RANBP17: variants seen among roughly 807,000 people sequenced by gnomAD.
The protein encoded by RANBP17 is ran-binding protein 17.
Under a neutral mutation model 141.2 loss-of-function variants are expected in RANBP17, and 158 were observed. The ratio of observed to expected loss-of-function variants is 1.12; its 90% CI spans 0.98 to 1.28. The LOEUF is 1.28. RANBP17 is among the 50% of genes most tolerant of loss of function. RANBP17 has a pLI of 0.00. For synonymous variants in RANBP17, 430 were observed against 450.0 expected (o/e 0.96, Z 0.56); for missense variants, 1,438 against 1,290.7 (o/e 1.11, Z -1.75).
chr5:171,122,273 G>A (rs1352897200), intron 14 of RANBP17, among the ~76,000 whole-genome samples: 2 of 152,094 alleles, frequency 1.3e-5, no homozygotes, highest in African/African-American at 2.4e-5. Context: ...TTTATTTGTT[G>A]CCTTGTTTTT....
chr5:171,101,575 T>C (rs894652243), intron 14 of RANBP17, among the ~76,000 whole-genome samples: 2 of 152,228 alleles, frequency 1.3e-5, no homozygotes, highest in Non-Finnish European at 2.9e-5. Context: ...ACTTTTAATT[T>C]GGGCATTTAA....
intron 12 of RANBP17, among the ~76,000 whole-genome samples, chr5:170,931,314 T>C (rs770186060): frequency 6.6e-6 from 1 of 152,162 alleles, no homozygotes; most frequent in South Asian, 2.1e-4. Context: ...GATATTAGCC[T>C]TTTGTCAGAT....
rs553318675 is a variant in RANBP17 at position 170,909,950 on chromosome 5, G to A, written c.594+185G>A. ...CAAAAAATTCACTTTTACTCACTGG[G>A]CATATGATAAGGTGAAATCCAAAGG... On this transcript the variant is annotated intron_variant, in intron 6 of 27. Coordinates refer to ENST00000523189, the MANE Select transcript of RANBP17 (RefSeq NM_022897.5). 2.1e-4 allele frequency: 93 copies of A among 436,268 alleles called. 1 individual carries two copies. The South Asian group carries it at 3.6e-3, about 17-fold the overall frequency. 27.0% of individuals were successfully genotyped at this position (436,268 alleles called of 1,614,324 possible). A position where few individuals can be genotyped will look rare whatever the true frequency, so the allele number is the denominator to read the frequency against.
intron 1 of RANBP17, among the ~76,000 whole-genome samples, chr5:170,866,599 C>T (rs978073179): frequency 6.6e-6 from 1 of 151,652 alleles, no homozygotes; most frequent in African/African-American, 2.4e-5. Flanking sequence ...GGCGTTAACC[C>T]GGGAGGCGGA....
intron 24 of RANBP17, 74 bp from the exon 25 acceptor site, chr5:171,265,607 A>G (rs1766618233): frequency 7.8e-7 from 1 of 1,286,706 alleles, no homozygotes; most frequent in African/African-American, 1.5e-5. Flanking sequence ...ATTATTTTTA[A>G]TGGAGCCGTT....
At chr5:171,262,041 C>T (rs764444500) in intron 24 of RANBP17, among the ~76,000 whole-genome samples, 1 of 152,180 alleles carries the variant, frequency 6.6e-6, no homozygotes, top group Non-Finnish European at 1.5e-5. Flanking sequence ...CTCCAATCTT[C>T]GTGGCTAAAG....
At chr5:171,088,848 C>G (rs1228097527) in intron 14 of RANBP17, among the ~76,000 whole-genome samples, 1 of 152,074 alleles carries the variant, frequency 6.6e-6, no homozygotes, top group East Asian at 1.9e-4. Flanking sequence ...ATTGGTTATT[C>G]TAGTTATACA....
At chr5:170,930,310 A>G (rs989219819) in intron 12 of RANBP17, among the ~76,000 whole-genome samples, 12 of 151,672 alleles carry the variant, frequency 7.9e-5, no homozygotes, top group African/African-American at 1.5e-4. Context: ...TTTTCTTTAA[A>G]CATTACTTTA....
At chr5:171,226,914 G>T (rs575592101) in intron 22 of RANBP17, among the ~76,000 whole-genome samples, 2 of 152,294 alleles carry the variant, frequency 1.3e-5, no homozygotes, top group Admixed American at 1.3e-4. Flanking sequence ...GAGCAACCCT[G>T]CATGGAGCAA....
intron 18 of RANBP17, among the ~76,000 whole-genome samples, chr5:171,191,139 A>G (rs557840715): frequency 1.3e-5 from 2 of 152,250 alleles, no homozygotes; most frequent in South Asian, 4.1e-4. Flanking sequence ...GGTAATTGGC[A>G]TCTGAAGATA....
intron 18 of RANBP17, among the ~76,000 whole-genome samples, chr5:171,190,494 A>G (rs897549268): frequency 6.6e-6 from 1 of 152,192 alleles, no homozygotes; most frequent in Non-Finnish European, 1.5e-5. Context: ...GTTCGAAGAA[A>G]TGATCAAAAT....
intron 14 of RANBP17, among the ~76,000 whole-genome samples, chr5:171,116,424 A>G (rs1358776893): frequency 1.3e-5 from 2 of 152,210 alleles, no homozygotes; most frequent in South Asian, 4.1e-4. Context: ...TATTCAAAGA[A>G]TGGGAATTAA....
intron 19 of RANBP17, among the ~76,000 whole-genome samples, chr5:171,203,212 T>G (rs1762396763): frequency 6.6e-6 from 1 of 152,204 alleles, no homozygotes; most frequent in Non-Finnish European, 1.5e-5. Flanking sequence ...TAAAACTCTT[T>G]GCACTATTTT....
At chr5:171,002,586 A>G (rs1180693341) in intron 14 of RANBP17, among the ~76,000 whole-genome samples, 2 of 152,314 alleles carry the variant, frequency 1.3e-5, no homozygotes, top group Non-Finnish European at 2.9e-5. Flanking sequence ...TAGAGTCAGT[A>G]TAAATATTGA....
At chr5:171,127,782 G>A (rs1756592198) in intron 14 of RANBP17, among the ~76,000 whole-genome samples, 1 of 152,146 alleles carries the variant, frequency 6.6e-6, no homozygotes, top group Non-Finnish European at 1.5e-5. Context: ...AACCATTGTA[G>A]AAAAATAGTA....
At chr5:170,992,027 C>G (rs1778542684) in intron 14 of RANBP17, among the ~76,000 whole-genome samples, 1 of 151,792 alleles carries the variant, frequency 6.6e-6, no homozygotes, top group African/African-American at 2.4e-5. Context: ...TTCCTAATAC[C>G]AGGCAGAACT....
chr5:170,904,256 A>G, intron 5 of RANBP17: 1 of 264,436 alleles, frequency 3.8e-6, no homozygotes, highest in Non-Finnish European at 7.8e-6. Flanking sequence ...GCCCACATTC[A>G]TGGAAATGAA....
intron 14 of RANBP17, among the ~76,000 whole-genome samples, chr5:171,055,943 T>A (rs1783336314): frequency 1.3e-5 from 2 of 150,876 alleles, no homozygotes; most frequent in African/African-American, 4.9e-5. Context: ...AAAACTATGT[T>A]GCCGTAAATT....
At chr5:171,157,302 T>C (rs528276553) in intron 14 of RANBP17, among the ~76,000 whole-genome samples, 1 of 152,330 alleles carries the variant, frequency 6.6e-6, no homozygotes, top group Non-Finnish European at 1.5e-5. Flanking sequence ...TTATAAAAAA[T>C]ATGAATGTAC....
Sources: allele counts gnomAD v4.1 joint callset (sites outside exome capture counted in the v4.1 genomes callset), GRCh38; gene constraint gnomAD v4.1.1; transcripts MANE v1.5; gene names NCBI Gene and HGNC (gene_info 2026-07-23, HGNC 2026-07-21).